NEMP2: variants seen among roughly 807,000 people sequenced by gnomAD.
NEMP2 encodes the protein nuclear envelope integral membrane protein 2.
A neutral mutation model predicts 54.2 loss-of-function variants in NEMP2; 53 were observed. The observed-to-expected ratio is 0.98, with a 90% CI of 0.78 to 1.23. The LOEUF (loss-of-function observed/expected upper bound fraction) is 1.23, where lower values mean the gene tolerates loss of function less well. Among genes scored for constraint, NEMP2 ranks in the 50% most tolerant of loss-of-function variants. NEMP2 has a pLI of 0.00. For synonymous variants in NEMP2, 197 were observed against 190.3 expected (o/e 1.04, Z -0.29); for missense variants, 455 against 511.3 (o/e 0.89, Z 1.06).
chr2:190,642,709 C>T, the NEMP2 span, among the ~76,000 whole-genome samples: 2 of 151,986 alleles, frequency 1.3e-5, no homozygotes, highest in African/African-American at 4.8e-5. This position sits in a 1 kb window ranked among gnomAD's most constrained non-coding sequence, Gnocchi z 4.1. Flanking sequence ...GTAGGGCTAC[C>T]ACCACACAGA....
At chr2:190,443,225 A>G in the NEMP2 span, among the ~76,000 whole-genome samples, 1 of 152,214 alleles carries the variant, frequency 6.6e-6, no homozygotes, top group African/African-American at 2.4e-5. This position sits in a 1 kb window ranked among gnomAD's most constrained non-coding sequence, Gnocchi z 4.2. Flanking sequence ...TAAGGATTGT[A>G]TGGTGGTTAC....
chr2:190,518,288 A>G (rs1254613865), intron 4 of NEMP2, among the ~76,000 whole-genome samples: 2 of 152,220 alleles, frequency 1.3e-5, no homozygotes, highest in African/African-American at 4.8e-5. Flanking sequence ...TGTTTCTCTA[A>G]GAGTCAGAAA....
rs1009319886 is a variant in NEMP2 at position 190,528,405 on chromosome 2, G to A, written c.98-3027C>T. ...ACAGCCTCCTCGGGGGGGTCTCTAAGCATGGCTAGAGTTAATAACTTTATA... is the reference window on the plus strand; with the variant it reads ...ACAGCCTCCTCGGGGGGGTCTCTAAACATGGCTAGAGTTAATAACTTTATA... On this transcript the variant is annotated intron_variant, in intron 1 of 8. Transcript: ENST00000409150. This position sits in a 1 kb window ranked among gnomAD's most constrained non-coding sequence, Gnocchi z 4.3. Among the ~76,000 whole-genome samples, 1 of 152,156 alleles carries A rather than the reference G, an allele frequency of 6.6e-6. No homozygotes were observed. The highest frequency in any genetic ancestry group is 1.5e-5 in the Non-Finnish European group (1 of 68,030).
chr2:190,578,235 A>G, the NEMP2 span, among the ~76,000 whole-genome samples: 1 of 152,240 alleles, frequency 6.6e-6, no homozygotes, highest in Non-Finnish European at 1.5e-5. The surrounding 1 kb of genome is among the most constrained non-coding windows in gnomAD (Gnocchi z 4.4). Context: ...AGAAGAAATG[A>G]TGGTGACTAT....
Position 190,517,529 on chromosome 2 carries a change from G to C in NEMP2, c.603C>G (p.Phe201Leu). 6.5e-7 allele frequency: 1 copy of C among 1,548,688 alleles called. No homozygotes were observed. The highest frequency in any genetic ancestry group is 8.7e-7 in the Non-Finnish European group (1 of 1,145,506). Residue 201 changes from phenylalanine to leucine, a missense_variant, in exon 5 of 9, where the codon TTC becomes TTG. Around this residue, in one of 3 missense-constraint regions of NEMP2, gnomAD observed 294 missense variants for 333.6 expected, o/e 0.88. Transcript: ENST00000409150. ...CACATAGTATGCCTACCTTCGGAAT[G>C]AATCTTTTCACCAACAGCAAGACAA... ...LVFVLLLVKR[F>L]IPKYSTFWAL...
At chr2:190,617,262 C>T in the NEMP2 span, 1 of 152,152 alleles carries the variant, frequency 6.6e-6, no homozygotes, top group Non-Finnish European at 1.5e-5. The surrounding 1 kb of genome is among the most constrained non-coding windows in gnomAD (Gnocchi z 5.0). Flanking sequence ...AAGTCCACTA[C>T]CCAAGAGTCT....
At chr2:190,442,035 C>A in the NEMP2 span, among the ~76,000 whole-genome samples, 1 of 152,164 alleles carries the variant, frequency 6.6e-6, no homozygotes, top group Non-Finnish European at 1.5e-5. Context: ...TAGAATAACT[C>A]AATTATTGAT....
the NEMP2 span, among the ~76,000 whole-genome samples, chr2:190,550,747 T>A: frequency 3.9e-5 from 6 of 152,180 alleles, no homozygotes; most frequent in Non-Finnish European, 8.8e-5. The surrounding 1 kb of genome is among the most constrained non-coding windows in gnomAD (Gnocchi z 4.7). Context: ...CAGGTAACTG[T>A]CTTTAATGTA....
At chr2:190,550,881 G>A in the NEMP2 span, among the ~76,000 whole-genome samples, 1 of 152,126 alleles carries the variant, frequency 6.6e-6, no homozygotes, top group East Asian at 1.9e-4. The surrounding 1 kb of genome is among the most constrained non-coding windows in gnomAD (Gnocchi z 4.7). Context: ...GTGGATGCCT[G>A]GTAACCTAGT....
At chr2:190,547,934 AAAAG>A in the NEMP2 span, among the ~76,000 whole-genome samples, 25 of 152,212 alleles carry the variant, frequency 1.6e-4, 1 homozygote, top group Admixed American at 1.3e-3. This position sits in a 1 kb window ranked among gnomAD's most constrained non-coding sequence, Gnocchi z 6.2. Context: ...GAATGGCAGA[AAAAG>A]AAAGAGGAGA....
At position 190,510,663 on chromosome 2, in the gene NEMP2, C is replaced by G. The variant is rs1019089542; in HGVS notation, c.954-126G>C. On this transcript the variant is annotated intron_variant, in intron 7 of 8. Transcript: ENST00000409150. This position sits in a 1 kb window ranked among gnomAD's most constrained non-coding sequence, Gnocchi z 5.7. The stretch of plus-strand genomic sequence containing the variant: ...TTGGGAGGCCTGGGGAGGCGGATCA[C>G]GAGGTCAGGAGATTGAGACGGTCCT... 1.2e-6 allele frequency: 1 copy of G among 859,032 alleles called. No individual in the cohort carries two copies. Among genetic ancestry groups the G allele is most frequent in the Non-Finnish European group, 1.8e-6 (1 of 550,930 alleles). 53.2% of individuals were successfully genotyped at this position (859,032 alleles called of 1,614,324 possible). A position where few individuals can be genotyped will look rare whatever the true frequency, so the allele number is the denominator to read the frequency against.
the NEMP2 span, among the ~76,000 whole-genome samples, chr2:190,490,562 C>CA: frequency 0.15 from 21,994 of 143,996 alleles, 1,829 homozygotes; most frequent in Middle Eastern, 0.22. The surrounding 1 kb of genome is among the most constrained non-coding windows in gnomAD (Gnocchi z 4.5). Flanking sequence ...GACTCCCTCT[C>CA]AAAAAAAAAA....
At chr2:190,608,799 C>T in the NEMP2 span, 5 of 152,044 alleles carry the variant, frequency 3.3e-5, no homozygotes, top group South Asian at 2.1e-4. This position sits in a 1 kb window ranked among gnomAD's most constrained non-coding sequence, Gnocchi z 4.9. Flanking sequence ...AGACCACATG[C>T]GTATGATTTT....
At chr2:190,545,633 T>G in the NEMP2 span, among the ~76,000 whole-genome samples, 1 of 152,234 alleles carries the variant, frequency 6.6e-6, no homozygotes, top group East Asian at 1.9e-4. Flanking sequence ...AATCACAATC[T>G]ATGCAGAAAA....
chr2:190,458,819 G>A, the NEMP2 span, among the ~76,000 whole-genome samples: 12 of 152,180 alleles, frequency 7.9e-5, no homozygotes, highest in Non-Finnish European at 1.5e-4. The surrounding 1 kb of genome is among the most constrained non-coding windows in gnomAD (Gnocchi z 5.3). Context: ...CTCAGATGAC[G>A]CGATCAGAAC....
the NEMP2 span, among the ~76,000 whole-genome samples, chr2:190,645,822 G>C: frequency 1.3e-5 from 2 of 152,194 alleles, no homozygotes; most frequent in African/African-American, 4.8e-5. Flanking sequence ...TTCCTTAGTA[G>C]TTTTTATATT....
downstream of NEMP2, chr2:190,499,767 A>G (rs1689926464): frequency 6.3e-6 from 9 of 1,435,072 alleles, no homozygotes; most frequent in Non-Finnish European, 8.4e-6. The surrounding 1 kb of genome is among the most constrained non-coding windows in gnomAD (Gnocchi z 6.0). Context: ...TTTTGGTAGT[A>G]ATGTTCCTTT....
chr2:190,482,807 A>C, the NEMP2 span, among the ~76,000 whole-genome samples: 1 of 151,346 alleles, frequency 6.6e-6, no homozygotes, highest in Non-Finnish European at 1.5e-5. Flanking sequence ...CATTTAAAAA[A>C]CAATATAGAT....
the NEMP2 span, among the ~76,000 whole-genome samples, chr2:190,492,705 CATAA>C: frequency 6.6e-6 from 1 of 152,088 alleles, no homozygotes; most frequent in Non-Finnish European, 1.5e-5. This position sits in a 1 kb window ranked among gnomAD's most constrained non-coding sequence, Gnocchi z 5.2. Flanking sequence ...AACTAAGCTT[CATAA>C]ATAAAGGAAA....
Sources: allele counts gnomAD v4.1 joint callset (sites outside exome capture counted in the v4.1 genomes callset), GRCh38; gene constraint gnomAD v4.1.1; regional missense constraint gnomAD v4.1.1; non-coding constraint Gnocchi (gnomAD v3.1); transcripts MANE v1.5; gene names NCBI Gene and HGNC (gene_info 2026-07-23, HGNC 2026-07-21).